The following SESTD1 variants were observed in gnomAD, a reference collection of about 807,000 sequenced individuals.
The protein encoded by SESTD1 is SEC14 and spectrin domain containing 1.
SESTD1 carries 43 observed loss-of-function variants against 101.7 expected under a neutral mutation model. The ratio of observed to expected loss-of-function variants is 0.42; its 90% CI spans 0.33 to 0.55. The LOEUF (loss-of-function observed/expected upper bound fraction) is 0.55. Ranked by LOEUF, SESTD1 falls within the 20% of genes least tolerant of loss-of-function variation. The pLI, the probability that SESTD1 is intolerant of heterozygous loss-of-function variation, is 0.07. For missense variants in SESTD1, 647 were observed against 815.1 expected, an observed-to-expected ratio of 0.79 and a Z score of 2.51; for synonymous variants, 283 against 286.8, an observed-to-expected ratio of 0.99 and a Z score of 0.13.
At chr2:179,201,846 C>T (rs1465610711) in intron 1 of SESTD1, among the ~76,000 whole-genome samples, 2 of 128,678 alleles carry the variant, frequency 1.6e-5, no homozygotes, top group Non-Finnish European at 3.3e-5. Context: ...GTGGGTGCAG[C>T]GCACCAGCAT....
At position 179,209,860 on chromosome 2, in the gene SESTD1, T is replaced by C. The variant is rs186300050; in HGVS notation, c.-25-17994A>G. 5.2e-3 allele frequency among the ~76,000 whole-genome samples: 672 copies of C among 129,250 alleles called. 157 individuals are homozygous for C. Among genetic ancestry groups the C allele is most frequent in the African/African-American group, 0.02 (639 of 32,450 alleles). 84.8% of individuals were successfully genotyped at this position (129,250 alleles called of 152,430 possible). A position where few individuals can be genotyped will look rare whatever the true frequency, so the allele number is the denominator to read the frequency against. On this transcript the variant is annotated intron_variant, in intron 1 of 17. Coordinates refer to ENST00000428443, the MANE Select transcript of SESTD1 (RefSeq NM_178123.5). Reference sequence around the variant, plus strand: ...CCCAGCAGAAGAAAAGAAATAAAGATCAGAGCAGAACTAAATGAAACTGAA... The same window carrying C: ...CCCAGCAGAAGAAAAGAAATAAAGACCAGAGCAGAACTAAATGAAACTGAA...
At chr2:179,165,618 C>T (rs1389533572) in intron 5 of SESTD1, among the ~76,000 whole-genome samples, 1 of 152,224 alleles carries the variant, frequency 6.6e-6, no homozygotes, top group Non-Finnish European at 1.5e-5. Flanking sequence ...CTTGAAGCAA[C>T]ATTCAGACCT....
chr2:179,178,572 A>G (rs2046052012), intron 3 of SESTD1, among the ~76,000 whole-genome samples: 1 of 152,170 alleles, frequency 6.6e-6, no homozygotes, highest in Admixed American at 6.6e-5. Flanking sequence ...CCAACAAAAC[A>G]TCTAAGAAGA....
Position 179,146,439 on chromosome 2 carries a change from A to G in SESTD1, c.600T>C (p.Phe200=). The change falls in exon 8 of 18, where the codon TTT becomes TTC. Residue 200 remains phenylalanine, a synonymous_variant. Coordinates refer to ENST00000428443, the MANE Select transcript of SESTD1 (RefSeq NM_178123.5). ...QEKERSVDLN[F]LPSVDPETVL... ...CTGTTTCAGGATCAACCGATGGAAG[A>G]AAGTTTAAATCCACAGACCTGGAAA... 6.2e-7 allele frequency: 1 copy of G among 1,613,468 alleles called. No individual in the cohort carries two copies. The highest frequency in any genetic ancestry group is 2.2e-5 in the East Asian group (1 of 44,822).
At chr2:179,223,005 T>C (rs2046835575) in intron 1 of SESTD1, among the ~76,000 whole-genome samples, 2 of 152,334 alleles carry the variant, frequency 1.3e-5, no homozygotes, top group South Asian at 2.1e-4. Flanking sequence ...ACAGCAGCAC[T>C]GTTCATATAA....
chr2:179,166,110 G>A (rs1052716630), intron 5 of SESTD1, among the ~76,000 whole-genome samples: 1 of 152,164 alleles, frequency 6.6e-6, no homozygotes, highest in African/African-American at 2.4e-5. Context: ...AATTTTTAAT[G>A]AATCACTAAG....
chr2:179,197,371 T>A (rs536879614), intron 1 of SESTD1, among the ~76,000 whole-genome samples: 3 of 152,174 alleles, frequency 2.0e-5, no homozygotes, highest in Non-Finnish European at 4.4e-5. Flanking sequence ...TGGAACCAAG[T>A]TGGAAAACAC....
intron 5 of SESTD1, among the ~76,000 whole-genome samples, chr2:179,170,296 T>C (rs920185546): frequency 3.3e-5 from 5 of 150,790 alleles, no homozygotes; most frequent in African/African-American, 9.8e-5. Context: ...AGGCAAACAA[T>C]AGACTAGGAG....
chr2:179,191,747 T>C lies in SESTD1; in HGVS notation c.55+40A>G, dbSNP rs1181209591. ...AACAAAGAAGAAACTATTAAAAAGTTTGTATATCAAACACTTCAAATTTTA... is the reference window on the plus strand; with the variant it reads ...AACAAAGAAGAAACTATTAAAAAGTCTGTATATCAAACACTTCAAATTTTA... On this transcript the variant is annotated intron_variant, in intron 2 of 17. Coordinates refer to ENST00000428443, the MANE Select transcript of SESTD1 (RefSeq NM_178123.5). 2.6e-6 allele frequency: 4 copies of C among 1,527,652 alleles called. No individual in the cohort carries two copies. In the Admixed American group the frequency reaches 7.3e-5, roughly 28 times the overall value. The allele number at this position is 1,527,652 out of a possible 1,614,324, so 94.6% of individuals were successfully genotyped here.
intron 1 of SESTD1, among the ~76,000 whole-genome samples, chr2:179,239,834 T>C (rs766540069): frequency 3.9e-5 from 6 of 152,092 alleles, no homozygotes; most frequent in Non-Finnish European, 8.8e-5. Flanking sequence ...CAACAAAGAG[T>C]AGATGCTCCA....
In SESTD1 at chr2:179,206,247, A is replaced by C. The variant is rs1002283110; in HGVS notation, c.-25-14381T>G. Among the ~76,000 whole-genome samples the C allele has an allele frequency of 1.5e-5, 2 of 135,622 alleles. 1 individual carries two copies. Among genetic ancestry groups the C allele is most frequent in the South Asian group, 5.6e-4 (2 of 3,602 alleles). The allele number at this position is 135,622 out of a possible 152,430, so 89.0% of individuals were successfully genotyped here. ...CCAAGAATGACCACAGGAACATAAC[A>C]GGAAAACTAAAGAGTTCACAGAGCC... On this transcript the variant is annotated intron_variant, in intron 1 of 17. Coordinates refer to ENST00000428443, the MANE Select transcript of SESTD1 (RefSeq NM_178123.5).
chr2:179,127,350 C>T (rs1486260800), intron 10 of SESTD1, among the ~76,000 whole-genome samples: 3 of 152,158 alleles, frequency 2.0e-5, no homozygotes, highest in African/African-American at 7.2e-5. Flanking sequence ...TATTGCTTTC[C>T]GCTCCCCAAC....
intron 1 of SESTD1, among the ~76,000 whole-genome samples, chr2:179,255,686 G>C (rs1229656839): frequency 6.6e-6 from 1 of 152,214 alleles, no homozygotes; most frequent in Non-Finnish European, 1.5e-5. Flanking sequence ...AAAAAATCTA[G>C]CTAAGATAAT....
intron 1 of SESTD1, among the ~76,000 whole-genome samples, chr2:179,214,902 G>A (rs1459296920): frequency 2.2e-5 from 3 of 134,862 alleles, no homozygotes; most frequent in Non-Finnish European, 4.8e-5. Context: ...GGTAAATAAG[G>A]AAATGAAGGC....
chr2:179,261,853 G>T (rs1400211094), intron 1 of SESTD1, among the ~76,000 whole-genome samples: 2 of 152,018 alleles, frequency 1.3e-5, no homozygotes, highest in Non-Finnish European at 2.9e-5. Context: ...ATATAACCCA[G>T]CAATTACACA....
In SESTD1 at chr2:179,202,221, A is replaced by C. The variant is rs1224547223; in HGVS notation, c.-25-10355T>G. On this transcript the variant is annotated intron_variant, in intron 1 of 17. Coordinates refer to ENST00000428443, the MANE Select transcript of SESTD1 (RefSeq NM_178123.5). The stretch of plus-strand genomic sequence containing the variant: ...TCATTTTGTAACGTTTATTTTTAAA[A>C]CTTCTCAGAATCATCTCAGTTTAAC... Among the ~76,000 whole-genome samples the C allele has an allele frequency of 1.5e-5, 2 of 133,016 alleles. 1 individual carries two copies. Among genetic ancestry groups the C allele is most frequent in the African/African-American group, 6.0e-5 (2 of 33,458 alleles). 87.3% of individuals were successfully genotyped at this position (133,016 alleles called of 152,430 possible).
intron 1 of SESTD1, among the ~76,000 whole-genome samples, chr2:179,223,820 TACTC>T (rs2046846486): frequency 6.6e-6 from 1 of 152,208 alleles, no homozygotes; most frequent in Non-Finnish European, 1.5e-5. Context: ...AACTATCTAT[TACTC>T]TATATTGGAA....
intron 5 of SESTD1, among the ~76,000 whole-genome samples, chr2:179,160,313 AC>A (rs1454631196): frequency 6.6e-6 from 1 of 152,202 alleles, no homozygotes; most frequent in Non-Finnish European, 1.5e-5. Context: ...AAACGAAGAA[AC>A]AATGACACAA....
intron 2 of SESTD1, among the ~76,000 whole-genome samples, chr2:179,190,811 T>G (rs755622985): frequency 6.6e-6 from 1 of 152,102 alleles, no homozygotes. Flanking sequence ...TGCAATCAAA[T>G]TGACAATGAA....
Sources: allele counts gnomAD v4.1 joint callset (sites outside exome capture counted in the v4.1 genomes callset), GRCh38; gene constraint gnomAD v4.1.1; transcripts MANE v1.5; gene names NCBI Gene and HGNC (gene_info 2026-07-23, HGNC 2026-07-21).